Variants in XPR1 observed in about 807,000 individuals in gnomAD.
XPR1 encodes the protein solute carrier family 53 member 1.
XPR1 carries 28 observed loss-of-function variants against 87.5 expected under a neutral mutation model. The ratio of observed to expected loss-of-function variants is 0.32; its 90% CI spans 0.24 to 0.44. The LOEUF is 0.44. Among genes scored for constraint, XPR1 ranks in the 20% least tolerant of loss-of-function variants. XPR1 has a pLI of 1.00. For synonymous variants in XPR1, 300 were observed against 306.1 expected, an observed-to-expected ratio of 0.98 and a Z score of 0.21; for missense variants, 559 against 862.3, an observed-to-expected ratio of 0.65 and a Z score of 4.41.
At chr1:180,663,381 T>C (rs772297947) in intron 1 of XPR1, among the ~76,000 whole-genome samples, 1 of 152,260 alleles carries the variant, frequency 6.6e-6, no homozygotes, top group Non-Finnish European at 1.5e-5. Flanking sequence ...TTGTGGTTCT[T>C]GCAGACTCAT....
intron 12 of XPR1, among the ~76,000 whole-genome samples, chr1:180,866,326 G>A (rs556511051): frequency 2.0e-5 from 3 of 152,276 alleles, no homozygotes; most frequent in South Asian, 2.1e-4. Context: ...TAGAACACAG[G>A]TATATGAACC....
chr1:180,733,809 A>G (rs539531320), intron 2 of XPR1, among the ~76,000 whole-genome samples: 1 of 152,342 alleles, frequency 6.6e-6, no homozygotes, highest in East Asian at 1.9e-4. Context: ...CAGTTAAGGC[A>G]ACTGAATTAA....
At chr1:180,709,446 T>C (rs951173538) in intron 2 of XPR1, among the ~76,000 whole-genome samples, 3 of 152,164 alleles carry the variant, frequency 2.0e-5, no homozygotes, top group African/African-American at 7.2e-5. Context: ...TAATCTCTGC[T>C]TCCCACCGCA....
At chr1:180,735,823 C>G (rs976595152) in intron 2 of XPR1, among the ~76,000 whole-genome samples, 2 of 152,140 alleles carry the variant, frequency 1.3e-5, no homozygotes, top group African/African-American at 4.8e-5. Context: ...TGACGGTCTT[C>G]TAGTTGCAGT....
At chr1:180,769,741 G>A (rs549393700) in intron 2 of XPR1, among the ~76,000 whole-genome samples, 2 of 152,146 alleles carry the variant, frequency 1.3e-5, no homozygotes, top group Non-Finnish European at 2.9e-5. Context: ...AACAAACATG[G>A]GAGTGCAGAT....
intron 2 of XPR1, among the ~76,000 whole-genome samples, chr1:180,685,122 T>C (rs556262096): frequency 2.0e-5 from 3 of 152,034 alleles, no homozygotes; most frequent in Non-Finnish European, 2.9e-5. Context: ...GGCTGTGGGT[T>C]TGTCATAGAT....
intron 2 of XPR1, among the ~76,000 whole-genome samples, chr1:180,741,189 A>C (rs1446036842): frequency 6.6e-6 from 1 of 152,124 alleles, no homozygotes; most frequent in Non-Finnish European, 1.5e-5. Context: ...TTTGAGACGG[A>C]GTCTCACTCT....
intron 2 of XPR1, among the ~76,000 whole-genome samples, chr1:180,733,956 A>G (rs955609223): frequency 8.5e-5 from 13 of 152,200 alleles, no homozygotes; most frequent in Admixed American, 6.5e-4. Context: ...TAATTTTCGT[A>G]ACAATCCTTT....
chr1:180,783,769 G>A (rs1169356989), intron 2 of XPR1, among the ~76,000 whole-genome samples: 2 of 151,660 alleles, frequency 1.3e-5, no homozygotes, highest in Non-Finnish European at 2.9e-5. Context: ...AAAAATAATG[G>A]TAAGGCTGGG....
At chr1:180,855,159 T>C (rs1313158266) in intron 11 of XPR1, among the ~76,000 whole-genome samples, 1 of 152,150 alleles carries the variant, frequency 6.6e-6, no homozygotes, top group Non-Finnish European at 1.5e-5. Flanking sequence ...TACTCTAAAG[T>C]TAAATTCTTT....
chr1:180,803,336 G>A (rs1649863652), intron 3 of XPR1, 52 bp from the exon 4 acceptor site: 1 of 1,532,026 alleles, frequency 6.5e-7, no homozygotes, highest in Non-Finnish European at 8.8e-7. Flanking sequence ...TCAGAAGTCA[G>A]TAGGAACTTT....
At chr1:180,649,423 T>A (rs900441902) in intron 1 of XPR1, among the ~76,000 whole-genome samples, 1 of 151,862 alleles carries the variant, frequency 6.6e-6, no homozygotes, top group Non-Finnish European at 1.5e-5. Context: ...AGAGTGAGAC[T>A]CTGTCTCAAA....
intron 2 of XPR1, among the ~76,000 whole-genome samples, chr1:180,773,944 A>G (rs1211014985): frequency 6.6e-6 from 1 of 152,214 alleles, no homozygotes; most frequent in Non-Finnish European, 1.5e-5. Flanking sequence ...TAAATATATA[A>G]TCACTAAACT....
At chr1:180,646,022 A>C (rs1259994322) in intron 1 of XPR1, among the ~76,000 whole-genome samples, 1 of 152,224 alleles carries the variant, frequency 6.6e-6, no homozygotes, top group African/African-American at 2.4e-5. Flanking sequence ...CCTTATGTAT[A>C]TTCTCCTGAA....
rs1307263870 is a variant in XPR1 at position 180,795,973 on chromosome 1, A to AT, written c.224-7408dup. Reference sequence around the variant, plus strand: ...AGGTGCCCACCAGCACACCTGGCTAATTTTTTTGTATTTTTAGTAGAGACG... The same window carrying AT: ...AGGTGCCCACCAGCACACCTGGCTAATTTTTTTTGTATTTTTAGTAGAGACG... On this transcript the variant is annotated intron_variant, in intron 3 of 14. Transcript: ENST00000367590. Among the ~76,000 whole-genome samples, 4 of 151,900 alleles carry AT rather than the reference A, an allele frequency of 2.6e-5. No individual in the cohort carries two copies. The East Asian group carries it at 5.8e-4, about 22-fold the overall frequency.
chr1:180,800,977 A>G (rs535828895), intron 3 of XPR1, among the ~76,000 whole-genome samples: 172 of 152,268 alleles, frequency 1.1e-3, no homozygotes, highest in Non-Finnish European at 1.9e-3. Context: ...TGTTACATCA[A>G]TTAAGCAATA....
chr1:180,808,106 G>A (rs1057137483), intron 6 of XPR1, among the ~76,000 whole-genome samples: 1 of 152,196 alleles, frequency 6.6e-6, no homozygotes, highest in African/African-American at 2.4e-5. Flanking sequence ...TAAAGCTGCA[G>A]TAATCAAGAG....
At chr1:180,687,525 G>A (rs1571724988) in intron 2 of XPR1, among the ~76,000 whole-genome samples, 1 of 152,190 alleles carries the variant, frequency 6.6e-6, no homozygotes, top group Admixed American at 6.5e-5. Flanking sequence ...TAGCTTCTTA[G>A]TAGGACATTT....
At chr1:180,730,660 A>G (rs1658526134) in intron 2 of XPR1, among the ~76,000 whole-genome samples, 1 of 151,418 alleles carries the variant, frequency 6.6e-6, no homozygotes, top group Non-Finnish European at 1.5e-5. Flanking sequence ...CCACTGTGTT[A>G]TTTCTTTTTT....
Sources: allele counts gnomAD v4.1 joint callset (sites outside exome capture counted in the v4.1 genomes callset), GRCh38; gene constraint gnomAD v4.1.1; transcripts MANE v1.5; gene names NCBI Gene and HGNC (gene_info 2026-07-23, HGNC 2026-07-21).